Variants in CDKN2C observed in about 807,000 individuals in gnomAD.
CDKN2C encodes the protein cyclin-dependent kinase 4 inhibitor C.
A neutral mutation model predicts 11.0 loss-of-function variants in CDKN2C; 5 were observed. The ratio of observed to expected loss-of-function variants is 0.45; its 90% confidence interval spans 0.24 to 0.95. CDKN2C has a LOEUF of 0.95. Ranked by LOEUF, CDKN2C falls within the 40% of genes least tolerant of loss-of-function variation. CDKN2C has a pLI of 0.21. For missense variants in CDKN2C, 161 were observed against 211.9 expected (o/e 0.76, Z 1.49); for synonymous variants, 79 against 88.3 (o/e 0.89, Z 0.59).
Position 50,974,281 on chromosome 1 carries a change from G to T in CDKN2C, c.*11G>T. 1 of 1,537,884 alleles carries T rather than the reference G, an allele frequency of 6.5e-7. No individual in the cohort carries two copies. ...ACAAATCTTCAATAAACGTGGGGAGGGCTCCCCCACGTTGCCTCTACTTTA... is the reference window on the plus strand; with the variant it reads ...ACAAATCTTCAATAAACGTGGGGAGTGCTCCCCCACGTTGCCTCTACTTTA... On this transcript the variant is annotated 3_prime_UTR_variant, in exon 2 of 2. Coordinates refer to ENST00000371761, the MANE Select transcript of CDKN2C (RefSeq NM_078626.3).
chr1:50,964,946 C>CG (rs776872800), intron 1 of CDKN2C, among the ~76,000 whole-genome samples: 1 of 151,794 alleles, frequency 6.6e-6, no homozygotes, highest in Admixed American at 6.6e-5. Context: ...CCCAGGTACT[C>CG]GGGGGCTGAG....
upstream of CDKN2C, among the ~76,000 whole-genome samples, chr1:50,966,561 C>A (rs1250257952): frequency 1.3e-5 from 2 of 151,934 alleles, no homozygotes; most frequent in Non-Finnish European, 2.9e-5. Flanking sequence ...GGTAGAGATA[C>A]CCTTGAATCT....
upstream of CDKN2C, chr1:50,968,522 G>C (rs532758495): frequency 6.6e-6 from 1 of 152,512 alleles, no homozygotes; most frequent in East Asian, 1.9e-4. Context: ...CCGCCTAGCC[G>C]GCAGGAGGGA....
chr1:50,966,260 C>G (rs1645346872), upstream of CDKN2C, among the ~76,000 whole-genome samples: 1 of 151,998 alleles, frequency 6.6e-6, no homozygotes, highest in Non-Finnish European at 1.5e-5. Context: ...CCAGGCTGGT[C>G]TCGAACTCCT....
At chr1:50,967,805 A>G (rs1187577799), upstream of CDKN2C, 1 of 152,168 alleles carries the variant, frequency 6.6e-6, no homozygotes, top group Non-Finnish European at 1.5e-5. Flanking sequence ...CATCCCCAAA[A>G]TCCAAGCCAC....
At chr1:50,963,822 T>C (rs895508968) in intron 1 of CDKN2C, among the ~76,000 whole-genome samples, 1 of 152,174 alleles carries the variant, frequency 6.6e-6, no homozygotes, top group Non-Finnish European at 1.5e-5. Context: ...GTAAAGAAAT[T>C]TGGTCCATGC....
intron 1 of CDKN2C, among the ~76,000 whole-genome samples, chr1:50,963,443 T>G (rs2124775218): frequency 6.6e-6 from 1 of 152,358 alleles, no homozygotes; most frequent in Non-Finnish European, 1.5e-5. Flanking sequence ...TATTTACAAC[T>G]ACTACTTTAC....
chr1:50,967,604 T>C (rs1025563073), upstream of CDKN2C, among the ~76,000 whole-genome samples: 2 of 152,236 alleles, frequency 1.3e-5, no homozygotes, highest in Non-Finnish European at 2.9e-5. Flanking sequence ...ATTTTTTGCT[T>C]GGTTTCATTT....
At chr1:50,969,271 A>G, upstream of CDKN2C, 1 of 153,928 alleles carries the variant, frequency 6.5e-6, no homozygotes, top group East Asian at 1.9e-4. The surrounding 1 kb of genome is among the most constrained non-coding windows in gnomAD (Gnocchi z 6.6). Context: ...AGGAAAGGAC[A>G]GCGGCGGCAG....
At chr1:50,964,770 C>T (rs1339465875) in intron 1 of CDKN2C, among the ~76,000 whole-genome samples, 1 of 152,156 alleles carries the variant, frequency 6.6e-6, no homozygotes, top group Non-Finnish European at 1.5e-5. Flanking sequence ...TTAATATATG[C>T]ATTGGCTGTG....
intron 1 of CDKN2C, chr1:50,960,875 C>G (rs1304431398): frequency 6.6e-6 from 1 of 151,964 alleles, no homozygotes; most frequent in African/African-American, 2.4e-5. Flanking sequence ...GAAATAACAA[C>G]CTCGAGTTAA....
upstream of CDKN2C, among the ~76,000 whole-genome samples, chr1:50,966,087 C>CT (rs200248880): frequency 0.034 from 4,655 of 134,934 alleles, 171 homozygotes; most frequent in East Asian, 0.12. Flanking sequence ...TTCTATGTCT[C>CT]TTTTTTTTTT....
intron 1 of CDKN2C, among the ~76,000 whole-genome samples, chr1:50,963,854 T>A (rs1645335780): frequency 6.6e-6 from 1 of 152,198 alleles, no homozygotes; most frequent in Non-Finnish European, 1.5e-5. Flanking sequence ...AAAGTAATTT[T>A]AATTTATCTA....
intron 1 of CDKN2C, among the ~76,000 whole-genome samples, chr1:50,961,672 T>C (rs1395785591): frequency 6.6e-6 from 1 of 152,204 alleles, no homozygotes; most frequent in African/African-American, 2.4e-5. Flanking sequence ...GGCCTAGGCT[T>C]CCCTTAAGAA....
chr1:50,972,373 A>C (rs1336850866), intron 1 of CDKN2C, among the ~76,000 whole-genome samples: 2 of 152,146 alleles, frequency 1.3e-5, no homozygotes, highest in Non-Finnish European at 2.9e-5. Context: ...GGAGCTTAAT[A>C]TCTTGTCCAT....
In CDKN2C at chr1:50,970,279, A is replaced by T. The variant is rs2147956319; in HGVS notation, c.-90A>T. On this transcript the variant is annotated 5_prime_UTR_variant, in exon 1 of 2. The change abolishes an upstream ATG in the 5' untranslated region. Transcript: ENST00000371761. ...ATCCCAGTCCTTCTGTCAGTCTCCGATGCCATCATGCAGCCTGGTTAGGAG... is the reference window on the plus strand; with the variant it reads ...ATCCCAGTCCTTCTGTCAGTCTCCGTTGCCATCATGCAGCCTGGTTAGGAG... The T allele has an allele frequency of 6.6e-7, 1 of 1,515,704 alleles. No individual in the cohort carries two copies. Among genetic ancestry groups the T allele is most frequent in the Non-Finnish European group, 9.1e-7 (1 of 1,104,806 alleles). 93.9% of individuals were successfully genotyped at this position (1,515,704 alleles called of 1,614,324 possible). A position where few individuals can be genotyped will look rare whatever the true frequency, so the allele number is the denominator to read the frequency against.
chr1:50,964,628 G>A (rs1645338206), intron 1 of CDKN2C, among the ~76,000 whole-genome samples: 1 of 152,178 alleles, frequency 6.6e-6, no homozygotes, highest in South Asian at 2.1e-4. Flanking sequence ...AAGGTTTGGA[G>A]CCCCAAGAAC....
Position 50,974,308 on chromosome 1 carries a change from C to T in CDKN2C, c.*38C>T. The stretch of plus-strand genomic sequence containing the variant: ...CTCCCCCACGTTGCCTCTACTTTAT[C>T]AATTAACTGAGTAGCTCTCCTGACT... On this transcript the variant is annotated 3_prime_UTR_variant, in exon 2 of 2. Coordinates refer to ENST00000371761, the MANE Select transcript of CDKN2C (RefSeq NM_078626.3). 6.6e-7 allele frequency: 1 copy of T among 1,513,912 alleles called. No individual in the cohort carries two copies. Among genetic ancestry groups the T allele is most frequent in the South Asian group, 1.3e-5 (1 of 75,012 alleles). The allele number at this position is 1,513,912 out of a possible 1,614,324, so 93.8% of individuals were successfully genotyped here. A position where few individuals can be genotyped will look rare whatever the true frequency, so the allele number is the denominator to read the frequency against.
intron 1 of CDKN2C, among the ~76,000 whole-genome samples, chr1:50,972,644 C>A (rs1444081920): frequency 6.6e-6 from 1 of 151,946 alleles, no homozygotes; most frequent in African/African-American, 2.4e-5. Flanking sequence ...AATATTTTTT[C>A]ACAACTAAAT....
Sources: gnomAD v4.1 joint callset for allele counts (sites outside exome capture counted in the v4.1 genomes callset) on GRCh38, gnomAD v4.1.1 for gene constraint, Gnocchi (gnomAD v3.1) non-coding constraint, MANE v1.5 for transcripts, NCBI Gene and HGNC (gene_info 2026-07-23, HGNC 2026-07-21) for gene names.